The following SLC39A9 variants were observed in gnomAD, a reference collection of about 807,000 sequenced individuals.
SLC39A9 encodes zinc transporter ZIP9.
In SLC39A9, 14 loss-of-function variants were observed where a neutral mutation model predicts 28.4. That is an observed-to-expected ratio of 0.49 (90% CI 0.33 to 0.77). The LOEUF is 0.77. Among genes scored for constraint, SLC39A9 ranks in the 30% least tolerant of loss-of-function variants. The pLI is 0.02. For missense variants in SLC39A9, 283 were observed against 381.1 expected (o/e 0.74, Z 2.14); for synonymous variants, 119 against 149.6 (o/e 0.80, Z 1.49).
intron 2 of SLC39A9, among the ~76,000 whole-genome samples, chr14:69,441,215 AG>A (rs1885035373): frequency 6.6e-6 from 1 of 152,108 alleles, no homozygotes; most frequent in Non-Finnish European, 1.5e-5. Context: ...CGGGAGGTCG[AG>A]GGTGCAGTGA....
At chr14:69,457,327 G>A (rs1046387218) in intron 6 of SLC39A9, among the ~76,000 whole-genome samples, 8 of 151,858 alleles carry the variant, frequency 5.3e-5, no homozygotes, top group East Asian at 1.9e-4. Flanking sequence ...CCCAGCTTCC[G>A]GAGTAGCTGG....
intron 1 of SLC39A9, among the ~76,000 whole-genome samples, chr14:69,417,809 AC>A (rs1883659331): frequency 6.6e-6 from 1 of 152,162 alleles, no homozygotes; most frequent in Non-Finnish European, 1.5e-5. Flanking sequence ...TGATTTTTGC[AC>A]ATTGATTTTG....
chr14:69,455,947 C>T (rs2139456644), intron 6 of SLC39A9, 81 bp downstream of exon 6: 1 of 1,497,834 alleles, frequency 6.7e-7, no homozygotes, highest in East Asian at 2.3e-5. Flanking sequence ...TGAATTTTTC[C>T]AATACATTAC....
At chr14:69,449,365 T>C (rs1885493943) in intron 3 of SLC39A9, among the ~76,000 whole-genome samples, 1 of 152,186 alleles carries the variant, frequency 6.6e-6, no homozygotes, top group Non-Finnish European at 1.5e-5. Context: ...GACTCACGCC[T>C]GTAATCCCAA....
chr14:69,410,824 A>AT lies in SLC39A9; in HGVS notation c.96+11374dup, dbSNP rs149794392. Among the ~76,000 whole-genome samples, 783 of 142,310 alleles carry AT rather than the reference A, an allele frequency of 5.5e-3. 2 individuals are homozygous for AT. The highest frequency in any genetic ancestry group is 0.011 in the African/African-American group (415 of 39,000). 93.4% of individuals were successfully genotyped at this position (142,310 alleles called of 152,430 possible). ...TCTTATGATAAGAGATGTACCTTTGATTTTTTTTTTTTTTTAGGAAGCTGT... is the reference window on the plus strand; with the variant it reads ...TCTTATGATAAGAGATGTACCTTTGATTTTTTTTTTTTTTTTAGGAAGCTGT... On this transcript the variant is annotated intron_variant, in intron 1 of 6. Transcript: ENST00000336643.
At chr14:69,426,335 C>T (rs967997462) in intron 2 of SLC39A9, among the ~76,000 whole-genome samples, 4 of 152,144 alleles carry the variant, frequency 2.6e-5, no homozygotes, top group South Asian at 2.1e-4. Flanking sequence ...AGTCAATTTG[C>T]AAGAGTGGGT....
At chr14:69,442,541 G>A (rs1885098862) in intron 3 of SLC39A9, among the ~76,000 whole-genome samples, 1 of 152,198 alleles carries the variant, frequency 6.6e-6, no homozygotes, top group African/African-American at 2.4e-5. Context: ...GTTTTTTGCT[G>A]TGGAGCCCTT....
chr14:69,437,995 T>C lies in SLC39A9; in HGVS notation c.206-4074T>C, dbSNP rs116085236. Among the ~76,000 whole-genome samples the C allele has an allele frequency of 4.1e-3, 617 of 151,842 alleles. 6 individuals are homozygous for C. The highest frequency in any genetic ancestry group is 0.014 in the African/African-American group (594 of 41,438). On this transcript the variant is annotated intron_variant, in intron 2 of 6. Transcript: ENST00000336643. ...TGTAATTTTGTTTTTGCTGCTTTAC[T>C]CTCTCTTTTCTTACCCTCTTCCCTT...
chr14:69,442,333 A>C (rs1885088714), intron 3 of SLC39A9, 67 bp downstream of exon 3: 3 of 1,471,474 alleles, frequency 2.0e-6, no homozygotes. Context: ...CAAACGATCA[A>C]ATATTTCAGT....
intron 3 of SLC39A9, among the ~76,000 whole-genome samples, chr14:69,446,662 CA>C (rs1885320110): frequency 6.6e-6 from 1 of 151,856 alleles, no homozygotes; most frequent in Admixed American, 6.6e-5. Flanking sequence ...CACCTGAGGT[CA>C]GGAGTTCAAG....
rs1056554917 is a variant in SLC39A9, at chr14:69,458,285, G to A, written c.694-78G>A. On this transcript the variant is annotated intron_variant, in intron 6 of 6. Coordinates refer to ENST00000336643, the MANE Select transcript of SLC39A9 (RefSeq NM_018375.5). ...ACAGCACCAGTTAAGAACAGTGAGT[G>A]TTTTTTAACTGGGACTTCTTCCTGA... The A allele has an allele frequency of 1.0e-5, 16 of 1,555,312 alleles. No homozygotes were observed. The African/African-American group carries it at 2.0e-4, about 20-fold the overall frequency.
intron 2 of SLC39A9, among the ~76,000 whole-genome samples, chr14:69,431,772 C>T (rs1281574033): frequency 6.6e-6 from 1 of 152,002 alleles, no homozygotes; most frequent in Non-Finnish European, 1.5e-5. Flanking sequence ...TCTATGAGTA[C>T]CTGATGTTTA....
chr14:69,398,500 C>CTGTCTTCCGTACTTT, upstream of SLC39A9: 1 of 578,852 alleles, frequency 1.7e-6, no homozygotes. Context: ...TTTCAAGACG[C>CTGTCTTCCGTACTTT]TGTCTTCCGT....
At chr14:69,442,588 T>G (rs894290511) in intron 3 of SLC39A9, among the ~76,000 whole-genome samples, 2 of 152,216 alleles carry the variant, frequency 1.3e-5, no homozygotes, top group Non-Finnish European at 2.9e-5. Context: ...TATTGGAATA[T>G]TGTTTTTAAA....
intron 1 of SLC39A9, among the ~76,000 whole-genome samples, chr14:69,410,620 T>C (rs1883211287): frequency 6.6e-6 from 1 of 152,238 alleles, no homozygotes; most frequent in African/African-American, 2.4e-5. Context: ...TTCTTTATTA[T>C]CTGTTACTAA....
At chr14:69,423,876 G>A (rs1346586904) in intron 1 of SLC39A9, among the ~76,000 whole-genome samples, 3 of 144,648 alleles carry the variant, frequency 2.1e-5, no homozygotes, top group African/African-American at 7.8e-5. Context: ...AAGCCTGAGC[G>A]ACAGAGCAAG....
intron 6 of SLC39A9, among the ~76,000 whole-genome samples, chr14:69,456,104 A>C (rs1368349068): frequency 1.3e-5 from 2 of 152,236 alleles, no homozygotes; most frequent in Non-Finnish European, 2.9e-5. Flanking sequence ...TATTTGCATA[A>C]ATATGATAGC....
chr14:69,437,913 A>T (rs1002641423), intron 2 of SLC39A9, among the ~76,000 whole-genome samples: 3 of 152,078 alleles, frequency 2.0e-5, no homozygotes, highest in Non-Finnish European at 4.4e-5. Context: ...CCTTTCAGCT[A>T]AGCTGTCTCC....
At position 69,458,618 on chromosome 14, in the gene SLC39A9, A is replaced by G; in HGVS notation, c.*25A>G. The G allele has an allele frequency of 6.4e-7, 1 of 1,569,240 alleles. No homozygotes were observed. Among genetic ancestry groups the G allele is most frequent in the South Asian group, 1.1e-5 (1 of 87,560 alleles). On this transcript the variant is annotated 3_prime_UTR_variant, in exon 7 of 7. Coordinates refer to ENST00000336643, the MANE Select transcript of SLC39A9 (RefSeq NM_018375.5). ...AATGTTCAAGGTCCAGCCTTGGTCC[A>G]GGGCCGTTTGCCATCCAGTGAGAAC... is the stretch of plus-strand genomic sequence containing the variant.
Sources: gnomAD v4.1 joint callset for allele counts (sites outside exome capture counted in the v4.1 genomes callset) on GRCh38, gnomAD v4.1.1 for gene constraint, MANE v1.5 for transcripts, NCBI Gene and HGNC (gene_info 2026-07-23, HGNC 2026-07-21) for gene names.